TAFA5: variants seen among roughly 807,000 people sequenced by gnomAD.
The protein encoded by TAFA5 is TAFA chemokine like family member 5.
Under a neutral mutation model 15.3 loss-of-function variants are expected in TAFA5, and 6 were observed. The observed-to-expected ratio is 0.39, with a 90% CI of 0.21 to 0.77. The LOEUF is 0.77. Among genes scored for constraint, TAFA5 ranks in the 30% least tolerant of loss-of-function variants. TAFA5 has a pLI of 0.41. For missense variants in TAFA5, 161 were observed against 193.1 expected (o/e 0.83, Z 0.98); for synonymous variants, 103 against 80.7 (o/e 1.28, Z -1.48).
chr22:48,586,047 C>A (rs73425949), intron 1 of TAFA5, among the ~76,000 whole-genome samples: 32,356 of 152,234 alleles, frequency 0.21, 3,660 homozygotes, highest in East Asian at 0.3. Context: ...TCTGCCCCTG[C>A]AGCCTTGTCC....
chr22:48,499,886 C>T (rs1031672963), intron 1 of TAFA5, among the ~76,000 whole-genome samples: 4 of 152,082 alleles, frequency 2.6e-5, no homozygotes, highest in Non-Finnish European at 4.4e-5. Flanking sequence ...ATGTGCGTTC[C>T]GGGGTGTTAG....
chr22:48,593,520 C>T (rs758897169), intron 1 of TAFA5, among the ~76,000 whole-genome samples: 1 of 150,788 alleles, frequency 6.6e-6, no homozygotes, highest in African/African-American at 2.4e-5. Context: ...TGGCTGGGGT[C>T]GGGGATTAGG....
chr22:48,659,086 G>A (rs1030469474), intron 2 of TAFA5, among the ~76,000 whole-genome samples: 11 of 152,222 alleles, frequency 7.2e-5, no homozygotes, highest in African/African-American at 1.9e-4. Context: ...TGCTGAGGGC[G>A]CAGCGCCTTC....
Position 48,515,321 on chromosome 22 carries a change from G to A in TAFA5, c.112+25617G>A, listed in dbSNP as rs117129046. ...GCAAATGCTGGAGCCCAGGGCTTGC[G>A]CAGGCAGCGTCCTCTCAGCAGTGGG... On this transcript the variant is annotated intron_variant, in intron 1 of 3. Coordinates refer to ENST00000402357, the MANE Select transcript of TAFA5 (RefSeq NM_001082967.3). Among the ~76,000 whole-genome samples the A allele has an allele frequency of 9.5e-3, 1,443 of 152,124 alleles. 11 individuals carry two copies. Among genetic ancestry groups the A allele is most frequent in the Non-Finnish European group, 0.016 (1,089 of 67,978 alleles).
At position 48,576,039 on chromosome 22, in the gene TAFA5, A is replaced by ACCCCCCCCCC. The variant is rs535068094; in HGVS notation, c.113-70553_113-70544dup. Reference sequence around the variant, plus strand: ...GAGGAGGGGGCCGGGGCCGCGCCGGACCCCCCCCCCCCCCGCGCCGCCCGG... The same window carrying ACCCCCCCCCC: ...GAGGAGGGGGCCGGGGCCGCGCCGGACCCCCCCCCCCCCCCCCCCCCCCCGCGCCGCCCGG... On this transcript the variant is annotated intron_variant, in intron 1 of 3. Transcript: ENST00000402357. Among the ~76,000 whole-genome samples, 42 of 31,432 alleles carry ACCCCCCCCCC rather than the reference A, an allele frequency of 1.3e-3. 8 individuals are homozygous for ACCCCCCCCCC. Among genetic ancestry groups the ACCCCCCCCCC allele is most frequent in the African/African-American group, 5.6e-3 (24 of 4,258 alleles). The allele number at this position is 31,432 out of a possible 152,430, so 20.6% of individuals were successfully genotyped here.
chr22:48,515,337 C>T (rs2147103864), intron 1 of TAFA5, among the ~76,000 whole-genome samples: 2 of 152,358 alleles, frequency 1.3e-5, no homozygotes, highest in South Asian at 2.1e-4. Context: ...AGCGTCCTCT[C>T]AGCAGTGGGC....
intron 1 of TAFA5, among the ~76,000 whole-genome samples, chr22:48,627,807 G>A (rs1000354370): frequency 5.3e-5 from 8 of 152,246 alleles, no homozygotes; most frequent in East Asian, 3.9e-4. Flanking sequence ...AGGACGAGGG[G>A]GAGGGAGGCA....
chr22:48,531,361 C>A lies in TAFA5; in HGVS notation c.112+41657C>A, dbSNP rs546465393. On this transcript the variant is annotated intron_variant, in intron 1 of 3. Transcript: ENST00000402357. ...GCTCTGGGGCACCGGCCTGCCTGTC[C>A]CCTTCCTGGAGCGGACAGTGAGAGG... 1.6e-4 allele frequency among the ~76,000 whole-genome samples: 25 copies of A among 152,252 alleles called. No individual in the cohort carries two copies. In the East Asian group the frequency reaches 4.8e-3, roughly 29 times the overall value.
At chr22:48,668,931 C>T (rs1601657876) in intron 2 of TAFA5, among the ~76,000 whole-genome samples, 1 of 152,234 alleles carries the variant, frequency 6.6e-6, no homozygotes, top group African/African-American at 2.4e-5. Flanking sequence ...CGGGCATTGC[C>T]ATGGTCCCAG....
chr22:48,676,677 CAGCCAGTGTGGACT>C (rs1370202036), intron 2 of TAFA5, among the ~76,000 whole-genome samples: 1 of 152,248 alleles, frequency 6.6e-6, no homozygotes, highest in Non-Finnish European at 1.5e-5. Flanking sequence ...ACCCTCTCCC[CAGCCAGTGTGGACT>C]AGCCAGTGTG....
At chr22:48,669,176 C>T (rs891996167) in intron 2 of TAFA5, among the ~76,000 whole-genome samples, 2 of 152,346 alleles carry the variant, frequency 1.3e-5, no homozygotes, top group East Asian at 1.9e-4. Context: ...CTTTCCAGTC[C>T]CTGGAACTGG....
intron 1 of TAFA5, among the ~76,000 whole-genome samples, chr22:48,624,782 C>T (rs1276412199): frequency 6.6e-6 from 1 of 152,122 alleles, no homozygotes; most frequent in Admixed American, 6.6e-5. Context: ...GTGTGGGTTT[C>T]TTTCATCACA....
At chr22:48,523,692 G>A (rs1356073876) in intron 1 of TAFA5, among the ~76,000 whole-genome samples, 2 of 152,224 alleles carry the variant, frequency 1.3e-5, no homozygotes, top group East Asian at 3.9e-4. Flanking sequence ...CATCCCGGGG[G>A]CCCAGGAAGG....
chr22:48,729,734 C>CATAAATATAAATTTAAATATGAAAT (rs1929816446), intron 3 of TAFA5, among the ~76,000 whole-genome samples: 1 of 145,622 alleles, frequency 6.9e-6, no homozygotes, highest in African/African-American at 2.5e-5. Context: ...AAATATAAAA[C>CATAAATATAAATTTAAATATGAAAT]ATAAATATAA....
chr22:48,508,960 C>G (rs966817060), intron 1 of TAFA5, among the ~76,000 whole-genome samples: 1 of 152,222 alleles, frequency 6.6e-6, no homozygotes, highest in Non-Finnish European at 1.5e-5. Flanking sequence ...CAACCTCTCC[C>G]TAGCCTCCTC....
Position 48,530,129 on chromosome 22 carries a change from C to A in TAFA5, c.112+40425C>A, listed in dbSNP as rs1196390843. ...TCTGCAGACCCTCCTGTACTGATGA[C>A]CTGTACCACCTGCTCTGTCTCCATG... On this transcript the variant is annotated intron_variant, in intron 1 of 3. Transcript: ENST00000402357. This position sits in a 1 kb window ranked among gnomAD's most constrained non-coding sequence, Gnocchi z 6.0. Among the ~76,000 whole-genome samples, 1 of 152,080 alleles carries A rather than the reference C, an allele frequency of 6.6e-6. No homozygotes were observed. The highest frequency in any genetic ancestry group is 2.4e-5 in the African/African-American group (1 of 41,412).
chr22:48,695,368 C>A (rs892830003), intron 2 of TAFA5, among the ~76,000 whole-genome samples: 7 of 152,134 alleles, frequency 4.6e-5, no homozygotes, highest in Non-Finnish European at 7.3e-5. Context: ...GAGTAAATGC[C>A]CAAAGATTTC....
intron 3 of TAFA5, among the ~76,000 whole-genome samples, chr22:48,711,337 C>A (rs2147254056): frequency 6.6e-6 from 1 of 151,668 alleles, no homozygotes; most frequent in South Asian, 2.1e-4. Flanking sequence ...GCGGGGGCAC[C>A]TTGTATACAT....
chr22:48,579,315 G>C (rs778985915), intron 1 of TAFA5, among the ~76,000 whole-genome samples: 4 of 152,250 alleles, frequency 2.6e-5, no homozygotes, highest in African/African-American at 9.6e-5. Context: ...GGGCCGCAGC[G>C]TGGGGTCCGG....
Sources: gnomAD v4.1 joint callset for allele counts (sites outside exome capture counted in the v4.1 genomes callset) on GRCh38, gnomAD v4.1.1 for gene constraint, Gnocchi (gnomAD v3.1) non-coding constraint, MANE v1.5 for transcripts, NCBI Gene and HGNC (gene_info 2026-07-23, HGNC 2026-07-21) for gene names.